The following ROBO2 variants were observed in gnomAD, a reference collection of about 807,000 sequenced individuals.
ROBO2 encodes roundabout guidance receptor 2, also known as roundabout homolog 2.
A neutral mutation model predicts 160.8 loss-of-function variants in ROBO2; 53 were observed. The observed-to-expected ratio is 0.33, with a 90% CI of 0.26 to 0.41. ROBO2 has a LOEUF of 0.41. Among genes scored for constraint, ROBO2 ranks in the 10% least tolerant of loss-of-function variants. The probability of loss-of-function intolerance (pLI) is 1.00; values close to 1 mark genes in which losing one functional copy is unlikely to be tolerated. For missense variants in ROBO2, 1,577 were observed against 1,722.4 expected (o/e 0.92, Z 1.49); for synonymous variants, 664 against 611.7 (o/e 1.09, Z -1.26).
intron 21 of ROBO2, among the ~76,000 whole-genome samples, chr3:77,613,560 G>A (rs947037116): frequency 4.6e-5 from 7 of 151,998 alleles, no homozygotes; most frequent in Non-Finnish European, 1.0e-4. Flanking sequence ...CTCCTCTTAC[G>A]TATTTCTGTT....
chr3:76,598,266 G>A (rs2086870792), intron 2 of ROBO2, among the ~76,000 whole-genome samples: 1 of 152,070 alleles, frequency 6.6e-6, no homozygotes, highest in African/African-American at 2.4e-5. Flanking sequence ...CAGTGCTTAG[G>A]GATGGGAAGG....
At chr3:76,073,252 C>G (rs867367890) in intron 2 of ROBO2, among the ~76,000 whole-genome samples, 4 of 127,930 alleles carry the variant, frequency 3.1e-5, no homozygotes, top group African/African-American at 8.5e-5. Context: ...TTGTAAACTT[C>G]TCAGAATGAG....
chr3:76,213,229 C>T (rs1463345546), intron 2 of ROBO2, among the ~76,000 whole-genome samples: 8 of 151,972 alleles, frequency 5.3e-5, no homozygotes, highest in Admixed American at 1.3e-4. Context: ...CAGAGGTACT[C>T]GCTTTCAGAC....
chr3:76,461,274 A>G (rs546775080), intron 2 of ROBO2, among the ~76,000 whole-genome samples: 2 of 152,278 alleles, frequency 1.3e-5, no homozygotes, highest in South Asian at 2.1e-4. Flanking sequence ...AGATCTCACT[A>G]TCATGAAGAC....
chr3:77,100,090 A>C (rs2071693804), intron 2 of ROBO2, among the ~76,000 whole-genome samples: 2 of 152,192 alleles, frequency 1.3e-5, no homozygotes, highest in African/African-American at 4.8e-5. Context: ...CATCTAAAAG[A>C]ATTGCTTTCT....
intron 2 of ROBO2, among the ~76,000 whole-genome samples, chr3:75,961,733 A>G (rs544857635): frequency 6.6e-6 from 1 of 151,832 alleles, no homozygotes; most frequent in Non-Finnish European, 1.5e-5. Context: ...TGATGGATAT[A>G]GAAACAAAAA....
In ROBO2 at chr3:77,645,008, T is replaced by C. The variant is rs1301763199; in HGVS notation, c.4135+104T>C. The C allele has an allele frequency of 8.2e-6, 10 of 1,223,788 alleles. No individual in the cohort carries two copies. In the African/African-American group the frequency reaches 1.3e-4, roughly 16 times the overall value. 75.8% of individuals were successfully genotyped at this position (1,223,788 alleles called of 1,614,324 possible). On this transcript the variant is annotated intron_variant, in intron 25 of 25. Coordinates refer to ENST00000461745, the Ensembl canonical transcript of ROBO2. The stretch of plus-strand genomic sequence containing the variant: ...TTTCAGATTAATAGAAAACTTGCTC[T>C]GTTACAAAAACAATCAATTGCAATT...
At chr3:75,920,882 G>C (rs578140786) in intron 1 of ROBO2, among the ~76,000 whole-genome samples, 143 of 151,324 alleles carry the variant, frequency 9.4e-4, no homozygotes, top group African/African-American at 3.3e-3. Flanking sequence ...CCATTTGCTT[G>C]GTAAATATTC....
chr3:77,351,827 T>A (rs1486334491), intron 2 of ROBO2, among the ~76,000 whole-genome samples: 1 of 150,644 alleles, frequency 6.6e-6, no homozygotes, highest in Non-Finnish European at 1.5e-5. Flanking sequence ...AGTCGCAGGT[T>A]TTTTTGTCCT....
intron 2 of ROBO2, among the ~76,000 whole-genome samples, chr3:76,383,306 A>C (rs750662641): frequency 3.9e-5 from 6 of 152,172 alleles, no homozygotes; most frequent in Non-Finnish European, 7.3e-5. Flanking sequence ...CAATGGATGA[A>C]TAGAGAATAT....
At chr3:76,065,416 A>C (rs1025606876) in intron 2 of ROBO2, among the ~76,000 whole-genome samples, 3 of 152,074 alleles carry the variant, frequency 2.0e-5, no homozygotes, top group Non-Finnish European at 4.4e-5. Flanking sequence ...ATTTGTAAAG[A>C]CAACAATCGT....
chr3:75,912,154 A>G (rs1946623986), intron 1 of ROBO2, among the ~76,000 whole-genome samples: 1 of 152,166 alleles, frequency 6.6e-6, no homozygotes, highest in African/African-American at 2.4e-5. Context: ...GTATTTTTAT[A>G]ACTTTTGCTG....
chr3:76,202,647 A>C (rs1186772909), intron 2 of ROBO2, among the ~76,000 whole-genome samples: 1 of 152,056 alleles, frequency 6.6e-6, no homozygotes, highest in East Asian at 1.9e-4. Context: ...TACAACCAAA[A>C]TTTTTTTCCA....
At chr3:76,144,822 GA>G (rs1415304245) in intron 2 of ROBO2, among the ~76,000 whole-genome samples, 1 of 151,892 alleles carries the variant, frequency 6.6e-6, no homozygotes, top group African/African-American at 2.4e-5. Flanking sequence ...ACATTTTCCT[GA>G]AAAGAGTTCC....
chr3:76,556,303 G>GGCACAACATAAGTAGTT (rs2083788492), intron 2 of ROBO2, among the ~76,000 whole-genome samples: 1 of 152,082 alleles, frequency 6.6e-6, no homozygotes, highest in Non-Finnish European at 1.5e-5. Context: ...TTGGAGGGAA[G>GGCACAACATAAGTAGTT]GAAAATATGT....
intron 2 of ROBO2, among the ~76,000 whole-genome samples, chr3:75,957,071 T>A (rs543529857): frequency 6.6e-6 from 1 of 151,692 alleles, no homozygotes; most frequent in East Asian, 1.9e-4. Context: ...TATTTTATGA[T>A]AGTGTTGCTT....
At chr3:76,664,241 G>A (rs2091936507) in intron 2 of ROBO2, among the ~76,000 whole-genome samples, 1 of 152,172 alleles carries the variant, frequency 6.6e-6, no homozygotes, top group Admixed American at 6.5e-5. Context: ...AAGGTCTGAT[G>A]TTGGGTAGTG....
chr3:76,225,215 G>A (rs934652342), intron 2 of ROBO2, among the ~76,000 whole-genome samples: 1 of 152,192 alleles, frequency 6.6e-6, no homozygotes, highest in South Asian at 2.1e-4. Context: ...AGAAAAAAGA[G>A]CATTAAATTG....
In ROBO2 at chr3:76,624,526, G is replaced by A. The variant is rs967145564; in HGVS notation, c.110-473488G>A. Among the ~76,000 whole-genome samples the A allele has an allele frequency of 1.7e-4, 25 of 143,052 alleles. 1 individual carries two copies. Among genetic ancestry groups the A allele is most frequent in the South Asian group, 6.4e-4 (3 of 4,706 alleles). The allele number at this position is 143,052 out of a possible 152,430, so 93.8% of individuals were successfully genotyped here. On this transcript the variant is annotated intron_variant, in intron 2 of 26. Transcript: ENST00000487694. ...GAATGTCTTTATAGAGGCCGGGCGC[G>A]GTGGGCTCACACCTGTAATCCCAGA... is the stretch of plus-strand genomic sequence containing the variant.
Sources: allele counts gnomAD v4.1 joint callset (sites outside exome capture counted in the v4.1 genomes callset), GRCh38; gene constraint gnomAD v4.1.1; transcripts MANE v1.5; gene names NCBI Gene and HGNC (gene_info 2026-07-23, HGNC 2026-07-21).